Variants in ANKRD34B observed in about 807,000 individuals in gnomAD.
ANKRD34B encodes ankyrin repeat domain-containing protein 34B.
Under a neutral mutation model 4.4 loss-of-function variants are expected in ANKRD34B, and 2 were observed. The observed-to-expected ratio is 0.46, with a 90% confidence interval of 0.19 to 1.44. The LOEUF (loss-of-function observed/expected upper bound fraction) is 1.44, where lower values mean the gene tolerates loss of function less well. Among genes scored for constraint, ANKRD34B ranks in the 40% most tolerant of loss-of-function variants. The probability of loss-of-function intolerance (pLI) is 0.26; values close to 1 mark genes in which losing one functional copy is unlikely to be tolerated. For missense variants in ANKRD34B, 558 were observed against 604.7 expected (o/e 0.92, Z 0.81); for synonymous variants, 226 against 227.1 (o/e 0.99, Z 0.05).
chr5:80,565,040 T>G (rs1247561412), intron 3 of ANKRD34B, among the ~76,000 whole-genome samples: 1 of 152,264 alleles, frequency 6.6e-6, no homozygotes, highest in Non-Finnish European at 1.5e-5. Context: ...TAGAGAACTT[T>G]TGAAATTGCC....
At chr5:80,567,621 C>CAAAAAAACAAAAAAAA (rs1746610065) in intron 2 of ANKRD34B, among the ~76,000 whole-genome samples, 1 of 50,560 alleles carries the variant, frequency 2.0e-5, no homozygotes, top group Non-Finnish European at 3.9e-5. Flanking sequence ...GACTCCGTCT[C>CAAAAAAACAAAAAAAA]AAAAAAAAAA....
rs955776507 is a variant in ANKRD34B at position 80,559,134 on chromosome 5, T to C, written c.886A>G (p.Ser296Gly). 3.7e-6 allele frequency: 6 copies of C among 1,614,230 alleles called. No homozygotes were observed. The highest frequency in any genetic ancestry group is 1.7e-5 in the Admixed American group (1 of 60,030). ...LSKRFITRHQ[S>G]IDVKDTAHLL... ...TGTGCAGTGTCTTTTACATCAATGC[T>C]TTGGTGCCTAGTGATGAACCGCTTG... Residue 296 changes from serine (S) to glycine (G), a missense_variant, in exon 5 of 5, where the codon AGC becomes GGC. Physicochemically the swap from Ser to Gly is moderately conservative, Grantham distance 56. Coordinates refer to ENST00000338682, the MANE Select transcript of ANKRD34B (RefSeq NM_001004441.3).
Position 80,558,551 on chromosome 5 carries a change from T to C in ANKRD34B, c.1469A>G (p.Glu490Gly). 6.2e-7 allele frequency: 1 copy of C among 1,614,144 alleles called. No individual in the cohort carries two copies. The highest frequency in any genetic ancestry group is 2.2e-5 in the East Asian group (1 of 44,888). The change falls in exon 5 of 5, where the codon GAA becomes GGA. Residue 490 changes from glutamate to glycine, a missense_variant. Glu to Gly is a moderately conservative substitution (Grantham distance 98). Coordinates refer to ENST00000338682, the MANE Select transcript of ANKRD34B (RefSeq NM_001004441.3). ...TAACAACATTTTCTTACTTTTGAAT[T>C]CTTTAGGGAAAATCGGAACTGTTGG... is the stretch of plus-strand genomic sequence containing the variant. Reference protein sequence around the residue: ...LMPTVPIFPKEFKSKKMLLRR... With the variant: ...LMPTVPIFPKGFKSKKMLLRR...
chr5:80,558,291 A>G lies in ANKRD34B; in HGVS notation c.*184T>C. 1 of 482,434 alleles carries G rather than the reference A, an allele frequency of 2.1e-6. No homozygotes were observed. The highest frequency in any genetic ancestry group is 2.0e-5 in the African/African-American group (1 of 51,118). The allele number at this position is 482,434 out of a possible 1,614,324, so 29.9% of individuals were successfully genotyped here. A position where few individuals can be genotyped will look rare whatever the true frequency, so the allele number is the denominator to read the frequency against. On this transcript the variant is annotated 3_prime_UTR_variant, in exon 5 of 5. Coordinates refer to ENST00000338682, the MANE Select transcript of ANKRD34B (RefSeq NM_001004441.3). The stretch of plus-strand genomic sequence containing the variant: ...TTTTGTTTGAGAGAATTCCCTTAAC[A>G]GAAACTATGTATTATTTTTTATGCT...
At chr5:80,566,807 A>G (rs1203903932) in intron 2 of ANKRD34B, 33 bp from the exon 3 acceptor site, 1 of 152,654 alleles carries the variant, frequency 6.6e-6, no homozygotes, top group Non-Finnish European at 1.5e-5. Context: ...AGAGTTACAT[A>G]AACACCAATA....
intron 4 of ANKRD34B, among the ~76,000 whole-genome samples, chr5:80,563,368 A>G (rs989776144): frequency 2.0e-5 from 3 of 152,202 alleles, no homozygotes; most frequent in Non-Finnish European, 4.4e-5. Flanking sequence ...TCTTCTATAT[A>G]TCACTTTTAT....
intron 4 of ANKRD34B, among the ~76,000 whole-genome samples, chr5:80,563,359 C>T (rs1746461650): frequency 6.6e-6 from 1 of 152,090 alleles, no homozygotes; most frequent in African/African-American, 2.4e-5. Context: ...TTCATGTACT[C>T]TTCTATATAT....
At chr5:80,564,957 A>G (rs1371589599) in intron 3 of ANKRD34B, among the ~76,000 whole-genome samples, 3 of 152,184 alleles carry the variant, frequency 2.0e-5, no homozygotes, top group Non-Finnish European at 4.4e-5. Context: ...TGCCTGCCTC[A>G]GCCTCCCAAA....
chr5:80,566,423 A>G (rs1048658138), intron 3 of ANKRD34B, among the ~76,000 whole-genome samples: 1 of 152,174 alleles, frequency 6.6e-6, no homozygotes, highest in Non-Finnish European at 1.5e-5. Flanking sequence ...ATGAAGATTT[A>G]TTTTCTAAAT....
Position 80,567,368 on chromosome 5 carries a change from C to T in ANKRD34B, c.-190-594G>A, listed in dbSNP as rs571678223. Among the ~76,000 whole-genome samples the T allele has an allele frequency of 3.3e-5, 5 of 151,658 alleles. No individual in the cohort carries two copies. The East Asian group carries it at 9.8e-4, about 30-fold the overall frequency. On this transcript the variant is annotated intron_variant, in intron 2 of 4. Transcript: ENST00000338682. ...GGCATGGTGGCTCATGCCTGTAATC[C>T]CAGCACTTTGGGAGGCCGAGGGGGA...
At position 80,559,886 on chromosome 5, in the gene ANKRD34B, GTT is replaced by G; in HGVS notation, c.132_133del (p.Glu44AspfsTer8). On this transcript the variant is annotated frameshift_variant, in exon 5 of 5. Transcript: ENST00000338682. LOFTEE classifies it low-confidence loss of function (END_TRUNC). ...GGTCTTACAAGCGATCATTAAAGGG[GTT>G]TCCCCACGGTCGTTGCTCTCATTAA... The G allele has an allele frequency of 6.2e-7, 1 of 1,614,200 alleles. No homozygotes were observed. The highest frequency in any genetic ancestry group is 2.2e-5 in the East Asian group (1 of 44,888).
At chr5:80,562,288 C>A (rs554000860) in intron 4 of ANKRD34B, among the ~76,000 whole-genome samples, 1 of 152,142 alleles carries the variant, frequency 6.6e-6, no homozygotes, top group African/African-American at 2.4e-5. Flanking sequence ...TTAACAAGAT[C>A]CCCAGGTGAT....
At chr5:80,560,661 T>TA (rs1211972598) in intron 4 of ANKRD34B, among the ~76,000 whole-genome samples, 5 of 151,900 alleles carry the variant, frequency 3.3e-5, no homozygotes, top group African/African-American at 4.8e-5. Context: ...AACCTGTCTC[T>TA]AAAAAAAATT....
At chr5:80,560,653 C>T (rs1746385915) in intron 4 of ANKRD34B, among the ~76,000 whole-genome samples, 1 of 151,908 alleles carries the variant, frequency 6.6e-6, no homozygotes, top group Non-Finnish European at 1.5e-5. Flanking sequence ...AGAGTGAGAA[C>T]CTGTCTCTAA....
chr5:80,559,415 G>T lies in ANKRD34B; in HGVS notation c.605C>A (p.Ser202Tyr). Residue 202 changes from serine (S) to tyrosine (Y), a missense_variant, in exon 5 of 5, where the codon TCT (serine) becomes TAT (tyrosine). Ser to Tyr is a moderately radical substitution (Grantham distance 144, BLOSUM62 -2). Coordinates refer to ENST00000338682, the MANE Select transcript of ANKRD34B (RefSeq NM_001004441.3). The stretch of plus-strand genomic sequence containing the variant: ...GCCAAAAAGCGTCAGTTCCGTTTCA[G>T]AAGAATGTGAAAGTGGCGATGAGGC... ...KTASSPLSHS[S>Y]ETELTLFGFK... 6.2e-7 allele frequency: 1 copy of T among 1,614,238 alleles called. No homozygotes were observed. Among genetic ancestry groups the T allele is most frequent in the Non-Finnish European group, 8.5e-7 (1 of 1,180,036 alleles).
chr5:80,559,969 T>A lies in ANKRD34B; in HGVS notation c.51A>T (p.Ala17=). The change falls in exon 5 of 5, where the codon GCA becomes GCT. Residue 17 remains alanine (A), a synonymous_variant. Coordinates refer to ENST00000338682, the MANE Select transcript of ANKRD34B (RefSeq NM_001004441.3). ...TGAGGCGAAGCCGGCTCTGATGGACTGCTTTGATCAAGGAATTTCCTTCAC... is the reference window on the plus strand; with the variant it reads ...TGAGGCGAAGCCGGCTCTGATGGACAGCTTTGATCAAGGAATTTCCTTCAC... ...ISSEGNSLIK[A]VHQSRLRLTR... 1 of 1,606,406 alleles carries A rather than the reference T, an allele frequency of 6.2e-7. No homozygotes were observed. Among genetic ancestry groups the A allele is most frequent in the Non-Finnish European group, 8.5e-7 (1 of 1,176,700 alleles).
At chr5:80,563,194 T>C (rs1163567435) in intron 4 of ANKRD34B, among the ~76,000 whole-genome samples, 1 of 151,930 alleles carries the variant, frequency 6.6e-6, no homozygotes, top group Non-Finnish European at 1.5e-5. Context: ...AATACAAACA[T>C]CAAGAGACAG....
intron 4 of ANKRD34B, among the ~76,000 whole-genome samples, chr5:80,563,400 G>A (rs2112714348): frequency 6.6e-6 from 1 of 152,312 alleles, no homozygotes; most frequent in East Asian, 1.9e-4. Context: ...AAAATAGAAT[G>A]TGTGTGCAGA....
intron 4 of ANKRD34B, 149 bp from the exon 5 acceptor site, chr5:80,560,191 A>G: frequency 2.0e-6 from 1 of 502,642 alleles, no homozygotes; most frequent in Admixed American, 3.7e-5. Flanking sequence ...AGTGAATTGC[A>G]AAATAAAGTA....
Sources: gnomAD v4.1 joint callset for allele counts (sites outside exome capture counted in the v4.1 genomes callset) on GRCh38, gnomAD v4.1.1 for gene constraint, MANE v1.5 for transcripts, NCBI Gene and HGNC (gene_info 2026-07-23, HGNC 2026-07-21) for gene names.